The following MLLT3 variants were observed in gnomAD, a reference collection of about 807,000 sequenced individuals.
The protein encoded by MLLT3 is protein AF-9.
A neutral mutation model predicts 53.2 loss-of-function variants in MLLT3; 4 were observed. The ratio of observed to expected loss-of-function variants is 0.08; its 90% CI spans 0.04 to 0.17. The LOEUF (loss-of-function observed/expected upper bound fraction) is 0.17. MLLT3 is among the 10% of genes least tolerant of loss of function. The pLI, the probability that MLLT3 is intolerant of heterozygous loss-of-function variation, is 1.00. For synonymous variants in MLLT3, 283 were observed against 230.6 expected, an observed-to-expected ratio of 1.23 and a Z score of -2.06; for missense variants, 569 against 684.0, an observed-to-expected ratio of 0.83 and a Z score of 1.87.
intron 5 of MLLT3, among the ~76,000 whole-genome samples, chr9:20,388,419 T>C (rs1190376640): frequency 2.6e-5 from 4 of 152,034 alleles, no homozygotes; most frequent in Non-Finnish European, 4.4e-5. Flanking sequence ...AAACCCCGTC[T>C]CTACTAAAAA....
At chr9:20,383,313 GAAC>G (rs1357371707) in intron 5 of MLLT3, among the ~76,000 whole-genome samples, 1 of 151,834 alleles carries the variant, frequency 6.6e-6, no homozygotes, top group Non-Finnish European at 1.5e-5. Context: ...CTTTTGACAT[GAAC>G]TTTGCATTTT....
intron 2 of MLLT3, among the ~76,000 whole-genome samples, chr9:20,477,059 G>C (rs1027607894): frequency 6.6e-6 from 1 of 152,080 alleles, no homozygotes; most frequent in African/African-American, 2.4e-5. Context: ...CTAGAACAGG[G>C]ATACGGACTT....
At chr9:20,511,006 T>C (rs1284852415) in intron 2 of MLLT3, among the ~76,000 whole-genome samples, 1 of 152,214 alleles carries the variant, frequency 6.6e-6, no homozygotes, top group Non-Finnish European at 1.5e-5. Flanking sequence ...TAATGAATTA[T>C]ATATCTGCAT....
intron 5 of MLLT3, among the ~76,000 whole-genome samples, chr9:20,370,709 C>T (rs1469037898): frequency 6.6e-6 from 1 of 152,080 alleles, no homozygotes; most frequent in Non-Finnish European, 1.5e-5. Context: ...TGGGGTTTCG[C>T]CATGTTAGCC....
intron 2 of MLLT3, among the ~76,000 whole-genome samples, chr9:20,598,110 G>A (rs184711319): frequency 1.4e-4 from 22 of 152,290 alleles, no homozygotes; most frequent in Admixed American, 5.2e-4. Flanking sequence ...AGCTAAAGAA[G>A]AATTTCATTA....
chr9:20,528,666 C>G (rs1818259587), intron 2 of MLLT3, among the ~76,000 whole-genome samples: 2 of 152,224 alleles, frequency 1.3e-5, no homozygotes, highest in Admixed American at 6.5e-5. Context: ...GCCTTCGCCT[C>G]TGTGTGTCTG....
At chr9:20,357,979 GCGCA>G (rs1004140280) in intron 8 of MLLT3, among the ~76,000 whole-genome samples, 150 of 137,876 alleles carry the variant, frequency 1.1e-3, no homozygotes, top group African/African-American at 3.3e-3. Flanking sequence ...CCTCCCTCCT[GCGCA>G]CACACACACA....
At chr9:20,574,482 T>C (rs921478073) in intron 2 of MLLT3, among the ~76,000 whole-genome samples, 4 of 152,252 alleles carry the variant, frequency 2.6e-5, no homozygotes, top group Non-Finnish European at 4.4e-5. Flanking sequence ...TTTGGGTTTC[T>C]GAGTGAATTT....
At chr9:20,513,584 G>A (rs1161413370) in intron 2 of MLLT3, among the ~76,000 whole-genome samples, 1 of 152,184 alleles carries the variant, frequency 6.6e-6, no homozygotes, top group Non-Finnish European at 1.5e-5. Flanking sequence ...GAGCAAGCAG[G>A]CAAAAGTTCT....
rs570312878 is a variant in MLLT3 at position 20,424,277 on chromosome 9, T to C, written c.421-9852A>G. 2.6e-5 allele frequency among the ~76,000 whole-genome samples: 4 copies of C among 152,286 alleles called. No homozygotes were observed. In the South Asian group the frequency reaches 8.3e-4, roughly 32 times the overall value. Reference sequence around the variant, plus strand: ...AGTCTTTTGGTACTAAATAAATATTTTTAAGTTGATAAACTTATTAGTAGA... The same window carrying C: ...AGTCTTTTGGTACTAAATAAATATTCTTAAGTTGATAAACTTATTAGTAGA... On this transcript the variant is annotated intron_variant, in intron 4 of 10. Coordinates refer to ENST00000380338, the MANE Select transcript of MLLT3 (RefSeq NM_004529.4).
chr9:20,345,375 T>A lies in MLLT3; in HGVS notation c.*1068A>T. The stretch of plus-strand genomic sequence containing the variant: ...CAAACAAAAATCTCTGATTCCAGAT[T>A]TTTAGGATAAAGATGAGTAACACAC... On this transcript the variant is annotated 3_prime_UTR_variant, in exon 11 of 11. Coordinates refer to ENST00000380338, the MANE Select transcript of MLLT3 (RefSeq NM_004529.4). 4.7e-6 allele frequency: 1 copy of A among 212,230 alleles called. No homozygotes were observed. Among genetic ancestry groups the A allele is most frequent in the Admixed American group, 5.9e-5 (1 of 17,074 alleles). 13.1% of individuals were successfully genotyped at this position (212,230 alleles called of 1,614,324 possible). A position where few individuals can be genotyped will look rare whatever the true frequency, so the allele number is the denominator to read the frequency against.
In MLLT3 at chr9:20,365,794, A is replaced by G. The variant is rs144852593; in HGVS notation, c.1126-50T>C. On this transcript the variant is annotated intron_variant, in intron 5 of 10. Coordinates refer to ENST00000380338, the MANE Select transcript of MLLT3 (RefSeq NM_004529.4). ...CATCAATAAATTTACGGGATACCAC[A>G]CATCTAAAGTTGAAAACAGTATTGT... 7.5e-3 allele frequency: 11,861 copies of G among 1,587,202 alleles called. 70 individuals carry two copies. Among genetic ancestry groups the G allele is most frequent in the Middle Eastern group, 0.019 (112 of 5,964 alleles).
chr9:20,545,096 CAAAAAAAAAA>C (rs60850984), intron 2 of MLLT3, among the ~76,000 whole-genome samples: 2 of 48,074 alleles, frequency 4.2e-5, no homozygotes, highest in Non-Finnish European at 3.8e-5. Flanking sequence ...CCTATCTCTA[CAAAAAAAAAA>C]AAAAAAAAAA....
rs756362458 is a variant in MLLT3, at chr9:20,366,811, CAT to C, written c.1126-1069_1126-1068del. 7.2e-5 allele frequency among the ~76,000 whole-genome samples: 11 copies of C among 152,242 alleles called. No individual in the cohort carries two copies. The South Asian group carries it at 2.1e-3, about 29-fold the overall frequency. On this transcript the variant is annotated intron_variant, in intron 5 of 10. Coordinates refer to ENST00000380338, the MANE Select transcript of MLLT3 (RefSeq NM_004529.4). ...AGAAGACATTTATGCGGCCAACAAACATATGAAAAAAAGCTCATCATTACTGG... is the reference window on the plus strand; with the variant it reads ...AGAAGACATTTATGCGGCCAACAAACATGAAAAAAAGCTCATCATTACTGG...
At chr9:20,410,647 T>C (rs1822704986) in intron 5 of MLLT3, 1 of 152,008 alleles carries the variant, frequency 6.6e-6, no homozygotes, top group Admixed American at 6.6e-5. Flanking sequence ...TTCTCTCTTC[T>C]CACATACAAA....
intron 2 of MLLT3, among the ~76,000 whole-genome samples, chr9:20,549,094 C>A (rs932844517): frequency 6.6e-6 from 1 of 152,124 alleles, no homozygotes; most frequent in Non-Finnish European, 1.5e-5. Context: ...GGGTTACAGG[C>A]ATTAGCCATC....
Position 20,448,555 on chromosome 9 carries a change from A to G in MLLT3, c.277-289T>C, listed in dbSNP as rs1823763492. Among the ~76,000 whole-genome samples, 1 of 152,126 alleles carries G rather than the reference A, an allele frequency of 6.6e-6. No individual in the cohort carries two copies. The highest frequency in any genetic ancestry group is 2.4e-5 in the African/African-American group (1 of 41,434). On this transcript the variant is annotated intron_variant, in intron 3 of 10. Coordinates refer to ENST00000380338, the MANE Select transcript of MLLT3 (RefSeq NM_004529.4). This position sits in a 1 kb window ranked among gnomAD's most constrained non-coding sequence, Gnocchi z 4.0. ...ATACCAGCAACATAGCCACCCAACT[A>G]GAAACCAAGCACATTCCTTCCTCTT... is the stretch of plus-strand genomic sequence containing the variant.
intron 2 of MLLT3, among the ~76,000 whole-genome samples, chr9:20,537,701 A>G (rs1001234508): frequency 6.6e-6 from 1 of 152,200 alleles, no homozygotes; most frequent in Non-Finnish European, 1.5e-5. Flanking sequence ...TAATTAAAAC[A>G]CCAAGAAGAA....
intron 5 of MLLT3, among the ~76,000 whole-genome samples, chr9:20,398,681 C>G (rs1355553269): frequency 6.6e-6 from 1 of 152,034 alleles, no homozygotes; most frequent in African/African-American, 2.4e-5. Flanking sequence ...CCTGCACAGC[C>G]CCTATAGGAA....
Sources: allele counts gnomAD v4.1 joint callset (sites outside exome capture counted in the v4.1 genomes callset), GRCh38; gene constraint gnomAD v4.1.1; non-coding constraint Gnocchi (gnomAD v3.1); transcripts MANE v1.5; gene names NCBI Gene and HGNC (gene_info 2026-07-23, HGNC 2026-07-21).